The following SFMBT1 variants were observed in gnomAD, a reference collection of about 807,000 sequenced individuals.
SFMBT1 encodes the protein scm-like with four MBT domains protein 1.
A neutral mutation model predicts 108.7 loss-of-function variants in SFMBT1; 32 were observed. The observed-to-expected ratio is 0.29, with a 90% confidence interval of 0.22 to 0.40. SFMBT1 has a LOEUF of 0.40. Ranked by LOEUF, SFMBT1 falls within the 10% of genes least tolerant of loss-of-function variation. The pLI is 1.00. For missense variants in SFMBT1, 816 were observed against 1,059.6 expected (o/e 0.77, Z 3.19); for synonymous variants, 348 against 369.5 (o/e 0.94, Z 0.67).
At chr3:52,907,841 T>G in intron 17 of SFMBT1, 108 bp from the exon 18 acceptor site, 1 of 1,039,280 alleles carries the variant, frequency 9.6e-7, no homozygotes, top group East Asian at 2.5e-5. Context: ...TTGTATTTGA[T>G]TGGGGTTTAA....
At chr3:53,008,308 C>T (rs572666857) in intron 1 of SFMBT1, among the ~76,000 whole-genome samples, 11 of 152,274 alleles carry the variant, frequency 7.2e-5, no homozygotes, top group African/African-American at 2.2e-4. Flanking sequence ...ACAACTCCAA[C>T]GGTTCTGGAG....
At chr3:52,955,900 C>CA (rs1330802743) in intron 2 of SFMBT1, among the ~76,000 whole-genome samples, 1 of 152,098 alleles carries the variant, frequency 6.6e-6, no homozygotes. Flanking sequence ...GAAACAACAA[C>CA]AAAAAATAAA....
rs542533582 is a variant in SFMBT1, at chr3:53,046,051, C to G, written c.-366G>C. On this transcript the variant is annotated 5_prime_UTR_variant, in exon 1 of 21. Coordinates refer to ENST00000394752, the MANE Select transcript of SFMBT1 (RefSeq NM_016329.4). ...TCCGGCGGAGGCGGCGGCGGCGCTCCGCGCTCCGACTCATTCCAATATGGC... is the reference window on the plus strand; with the variant it reads ...TCCGGCGGAGGCGGCGGCGGCGCTCGGCGCTCCGACTCATTCCAATATGGC... 585 of 151,424 alleles carry G rather than the reference C, an allele frequency of 3.9e-3. 3 individuals carry two copies. Among genetic ancestry groups the G allele is most frequent in the Middle Eastern group, 6.8e-3 (2 of 294 alleles). 9.4% of individuals were successfully genotyped at this position (151,424 alleles called of 1,614,324 possible). A position where few individuals can be genotyped will look rare whatever the true frequency, so the allele number is the denominator to read the frequency against.
chr3:53,037,362 T>C (rs955531713), intron 1 of SFMBT1, among the ~76,000 whole-genome samples: 1 of 152,200 alleles, frequency 6.6e-6, no homozygotes, highest in African/African-American at 2.4e-5. Context: ...CCCAATTGAA[T>C]ACTTACAGGA....
At chr3:53,034,781 T>C (rs1699812499) in intron 1 of SFMBT1, among the ~76,000 whole-genome samples, 1 of 149,838 alleles carries the variant, frequency 6.7e-6, no homozygotes, top group African/African-American at 2.5e-5. Context: ...CTACTAAAAA[T>C]ATAAAAAATT....
At chr3:53,021,013 G>A (rs999290938) in intron 1 of SFMBT1, among the ~76,000 whole-genome samples, 11 of 152,074 alleles carry the variant, frequency 7.2e-5, no homozygotes, top group African/African-American at 2.4e-4. Flanking sequence ...AGCTGAGATC[G>A]CGCCACTGCA....
intron 1 of SFMBT1, among the ~76,000 whole-genome samples, chr3:52,976,178 G>A (rs1704513891): frequency 6.6e-6 from 1 of 152,150 alleles, no homozygotes; most frequent in Non-Finnish European, 1.5e-5. Flanking sequence ...AAGACAGGAG[G>A]ATCACTTGAG....
chr3:53,040,210 C>G (rs1699994104), intron 1 of SFMBT1, among the ~76,000 whole-genome samples: 1 of 152,168 alleles, frequency 6.6e-6, no homozygotes, highest in Non-Finnish European at 1.5e-5. Flanking sequence ...GGCAGCCTTA[C>G]TACTGAGCAA....
At chr3:53,003,295 CAACTAGATACTTGATAATATTAAGGA>C (rs1393144641) in intron 1 of SFMBT1, among the ~76,000 whole-genome samples, 1 of 149,334 alleles carries the variant, frequency 6.7e-6, no homozygotes, top group Non-Finnish European at 1.5e-5. Context: ...AATGATGACA[CAACTAGATACTTGATAATATTAAGGA>C]ATTATTCATT....
At chr3:52,943,688 C>A in intron 3 of SFMBT1, 95 bp from the exon 4 acceptor site, 1 of 1,485,700 alleles carries the variant, frequency 6.7e-7, no homozygotes, top group Non-Finnish European at 9.3e-7. Flanking sequence ...TTCCGAAGCA[C>A]TAAATGCAAT....
intron 13 of SFMBT1, among the ~76,000 whole-genome samples, chr3:52,917,179 T>G (rs1702382324): frequency 6.6e-6 from 1 of 152,234 alleles, no homozygotes; most frequent in South Asian, 2.1e-4. Context: ...CTGTTGTTAG[T>G]TTTATTACCC....
intron 10 of SFMBT1, among the ~76,000 whole-genome samples, chr3:52,925,359 G>A (rs1296102666): frequency 6.6e-6 from 1 of 152,098 alleles, no homozygotes; most frequent in Non-Finnish European, 1.5e-5. Flanking sequence ...AGAGAGGAAA[G>A]GTAATAAAAA....
chr3:52,963,346 T>C (rs907570859), intron 2 of SFMBT1, among the ~76,000 whole-genome samples: 4 of 152,096 alleles, frequency 2.6e-5, no homozygotes, highest in East Asian at 1.9e-4. Flanking sequence ...AACAATTAAA[T>C]TGAAATTAAA....
intron 18 of SFMBT1, 59 bp from the exon 19 acceptor site, chr3:52,907,373 T>A: frequency 1.3e-6 from 2 of 1,549,044 alleles, no homozygotes; most frequent in Non-Finnish European, 1.7e-6. Flanking sequence ...AGGTTTCATA[T>A]GATTAAAAAA....
intron 8 of SFMBT1, chr3:52,928,639 T>TAC (rs1702753345): frequency 5.6e-5 from 1 of 17,958 alleles, no homozygotes; most frequent in Non-Finnish European, 5.0e-4. Flanking sequence ...TATATATACA[T>TAC]ATATATATAT....
intron 1 of SFMBT1, chr3:53,019,128 G>A (rs919468274): frequency 6.6e-6 from 1 of 152,030 alleles, no homozygotes; most frequent in Admixed American, 6.6e-5. Context: ...CGTTTCTACA[G>A]AAAAAAATTT....
At position 52,984,194 on chromosome 3, in the gene SFMBT1, G is replaced by A. The variant is rs958162220; in HGVS notation, c.-130-14936C>T. Among the ~76,000 whole-genome samples the A allele has an allele frequency of 2.1e-4, 32 of 152,298 alleles. 2 individuals carry two copies. Among genetic ancestry groups the A allele is most frequent in the South Asian group, 6.2e-4 (3 of 4,826 alleles). ...TGGTTTGAGGAAGAAAAATTATGATGAGCTTCAGTGCAAAATAGGGCAATA... is the reference window on the plus strand; with the variant it reads ...TGGTTTGAGGAAGAAAAATTATGATAAGCTTCAGTGCAAAATAGGGCAATA... On this transcript the variant is annotated intron_variant, in intron 1 of 20. Transcript: ENST00000394752.
intron 1 of SFMBT1, among the ~76,000 whole-genome samples, chr3:53,015,141 A>T (rs56943036): frequency 3.3e-5 from 5 of 151,800 alleles, no homozygotes; most frequent in African/African-American, 1.2e-4. Flanking sequence ...CTCAGGAGGC[A>T]GAGGTTGCAG....
At chr3:53,024,168 G>A (rs146818924) in intron 1 of SFMBT1, among the ~76,000 whole-genome samples, 1 of 152,336 alleles carries the variant, frequency 6.6e-6, no homozygotes, top group African/African-American at 2.4e-5. Flanking sequence ...GAGAAGGGTT[G>A]AAATTTTAGA....
Sources: gnomAD v4.1 joint callset for allele counts (sites outside exome capture counted in the v4.1 genomes callset) on GRCh38, gnomAD v4.1.1 for gene constraint, MANE v1.5 for transcripts, NCBI Gene and HGNC (gene_info 2026-07-23, HGNC 2026-07-21) for gene names.